The following USP43 variants were observed in gnomAD, a reference collection of about 807,000 sequenced individuals.
USP43 encodes ubiquitin carboxyl-terminal hydrolase 43.
USP43 carries 33 observed loss-of-function variants against 90.7 expected under a neutral mutation model. That is an observed-to-expected ratio of 0.36 (90% CI 0.28 to 0.49). USP43 has a LOEUF of 0.49. Among genes scored for constraint, USP43 ranks in the 20% least tolerant of loss-of-function variants. The pLI, the probability that USP43 is intolerant of heterozygous loss-of-function variation, is 0.98. For missense variants in USP43, 1,274 were observed against 1,476.4 expected, an observed-to-expected ratio of 0.86 and a Z score of 2.25; for synonymous variants, 598 against 615.8, an observed-to-expected ratio of 0.97 and a Z score of 0.43.
chr17:9,707,279 G>A lies in USP43; in HGVS notation c.2012-2677G>A, dbSNP rs955093957. On this transcript the variant is annotated intron_variant, in intron 12 of 14. Transcript: ENST00000285199. Reference sequence around the variant, plus strand: ...AGATTAAGACTAAACAGAATTTCATGAGTCGATAATTAAATTTACTACATG... The same window carrying A: ...AGATTAAGACTAAACAGAATTTCATAAGTCGATAATTAAATTTACTACATG... Among the ~76,000 whole-genome samples the A allele has an allele frequency of 2.0e-5, 3 of 152,258 alleles. No homozygotes were observed. The South Asian group carries it at 6.2e-4, about 32-fold the overall frequency.
At position 9,727,966 on chromosome 17, in the gene USP43, C is replaced by T. The variant is rs372996739; in HGVS notation, c.2348C>T (p.Pro783Leu). 401 of 1,602,898 alleles carry T rather than the reference C, an allele frequency of 2.5e-4. 6 individuals carry two copies. The South Asian group carries it at 4.3e-3, about 17-fold the overall frequency. ...LCNQEKGGLE[P>L]RRLVRGVKGR... ...CTGTCTCTTTCAGGAGGGTTGGAGC[C>T]CAGGCGTTTGGTACGGGGCGTGAAA... Residue 783 changes from proline (P) to leucine (L), a missense_variant, in exon 15 of 15, where the codon CCC becomes CTC. Physicochemically the swap from Pro to Leu is moderately conservative, Grantham distance 98. Coordinates refer to ENST00000285199, the MANE Select transcript of USP43 (RefSeq NM_153210.5).
rs544038589 is a variant in USP43 at position 9,686,220 on chromosome 17, G to A, written c.1242-578G>A. Among the ~76,000 whole-genome samples, 5 of 152,110 alleles carry A rather than the reference G, an allele frequency of 3.3e-5. No individual in the cohort carries two copies. The highest frequency in any genetic ancestry group is 2.1e-4 in the South Asian group (1 of 4,818). On this transcript the variant is annotated intron_variant, in intron 7 of 14. Coordinates refer to ENST00000285199, the MANE Select transcript of USP43 (RefSeq NM_153210.5). This position sits in a 1 kb window ranked among gnomAD's most constrained non-coding sequence, Gnocchi z 5.5. ...TTCATTTCTTTTCCATTCATCCACC[G>A]ATGTACACTTAGGTTGATTTGGAAT...
Position 9,701,558 on chromosome 17 carries a change from C to T in USP43, c.1869C>T (p.Ser623=), listed in dbSNP as rs537005784. Reference sequence around the variant, plus strand: ...TGGCTCCCCATGTGGCCCAGAGAAGCACCAGCCCTGAGGCAGGACTGGGCC... The same window carrying T: ...TGGCTCCCCATGTGGCCCAGAGAAGTACCAGCCCTGAGGCAGGACTGGGCC... ...LNMAPHVAQR[S]TSPEAGLGPW... Residue 623 remains serine, a synonymous_variant, in exon 12 of 15, where the codon AGC becomes AGT. Coordinates refer to ENST00000285199, the MANE Select transcript of USP43 (RefSeq NM_153210.5). The surrounding 1 kb of genome is among the most constrained non-coding windows in gnomAD (Gnocchi z 7.2). 47 of 1,566,442 alleles carry T rather than the reference C, an allele frequency of 3.0e-5. No individual in the cohort carries two copies. The African/African-American group carries it at 4.1e-4, about 14-fold the overall frequency.
intron 13 of USP43, among the ~76,000 whole-genome samples, chr17:9,711,720 C>A (rs1490483225): frequency 6.6e-6 from 1 of 152,192 alleles, no homozygotes; most frequent in Admixed American, 6.5e-5. Context: ...CGTGAGCCAC[C>A]GCGCCCAGCC....
chr17:9,679,359 G>A (rs1393318288), intron 5 of USP43, among the ~76,000 whole-genome samples: 1 of 150,426 alleles, frequency 6.6e-6, no homozygotes, highest in African/African-American at 2.4e-5. Flanking sequence ...ATGCCACCAT[G>A]CCTGGCTAAT....
chr17:9,699,456 T>C (rs1206609649), intron 9 of USP43, among the ~76,000 whole-genome samples: 1 of 152,202 alleles, frequency 6.6e-6, no homozygotes, highest in Non-Finnish European at 1.5e-5. Flanking sequence ...TTTTATCAGA[T>C]CATCTTAGTG....
At chr17:9,684,287 T>C (rs1190578559) in intron 7 of USP43, among the ~76,000 whole-genome samples, 3 of 152,130 alleles carry the variant, frequency 2.0e-5, no homozygotes, top group Admixed American at 1.3e-4. Flanking sequence ...AAATTTAAAC[T>C]AAAAGCAAAT....
chr17:9,649,100 C>T (rs1911674495), intron 1 of USP43, among the ~76,000 whole-genome samples: 1 of 151,978 alleles, frequency 6.6e-6, no homozygotes, highest in Non-Finnish European at 1.5e-5. Flanking sequence ...AAGCGATCCT[C>T]CTACCTCAGC....
At chr17:9,672,636 T>TGGCAGA (rs1855352414) in intron 3 of USP43, among the ~76,000 whole-genome samples, 1 of 152,132 alleles carries the variant, frequency 6.6e-6, no homozygotes, top group Non-Finnish European at 1.5e-5. Flanking sequence ...AGAGACGCAG[T>TGGCAGA]GGCAGAGGAG....
In USP43 at chr17:9,666,740, A is replaced by G. The variant is rs777919490; in HGVS notation, c.729A>G (p.Gln243=). The change falls in exon 3 of 15, where the codon CAA becomes CAG. Residue 243 remains glutamine (Q), a synonymous_variant. Coordinates refer to ENST00000285199, the MANE Select transcript of USP43 (RefSeq NM_153210.5). ...LGQSFVQSHF[Q]AQYRSSLTCP... is the part of the protein sequence containing the mutation. The stretch of plus-strand genomic sequence containing the variant: ...AAAGCTTTGTGCAAAGCCACTTTCA[A>G]GCACAATATAGGTAAGATGGGGATG... 1 of 1,611,672 alleles carries G rather than the reference A, an allele frequency of 6.2e-7. No individual in the cohort carries two copies. The highest frequency in any genetic ancestry group is 1.7e-5 in the Admixed American group (1 of 59,736).
chr17:9,681,489 T>TTTG, intron 6 of USP43, among the ~76,000 whole-genome samples: 2 of 50,268 alleles, frequency 4.0e-5, no homozygotes, highest in African/African-American at 1.4e-4. Context: ...TATATATATA[T>TTTG]ATATATATAT....
intron 2 of USP43, among the ~76,000 whole-genome samples, chr17:9,661,867 C>T (rs554068846): frequency 6.6e-5 from 10 of 151,978 alleles, no homozygotes; most frequent in East Asian, 1.9e-4. Flanking sequence ...TGTTCAGTGT[C>T]ATTGAACCCA....
chr17:9,682,835 G>A lies in USP43; in HGVS notation c.1118G>A (p.Gly373Asp). ...SQGTLSAHPL[G>D]LSASPRLAAR... ...CTCTCCCTTCTAGCTCATCCACTGG[G>A]TCTGTCGGCCTCCCCACGCCTGGCA... Residue 373 changes from glycine (G) to aspartate (D), a missense_variant, in exon 7 of 15, where the codon GGT becomes GAT. Around this residue, in one of 6 missense-constraint regions of USP43, gnomAD observed 253 missense variants for 276.0 expected, o/e 0.92. Coordinates refer to ENST00000285199, the MANE Select transcript of USP43 (RefSeq NM_153210.5). 6.2e-7 allele frequency: 1 copy of A among 1,613,940 alleles called. No individual in the cohort carries two copies. The highest frequency in any genetic ancestry group is 1.1e-5 in the South Asian group (1 of 91,078).
intron 2 of USP43, among the ~76,000 whole-genome samples, chr17:9,658,655 T>C (rs1912429449): frequency 6.6e-6 from 1 of 152,228 alleles, no homozygotes; most frequent in Admixed American, 6.5e-5. Flanking sequence ...TTACTTACCA[T>C]GATTTCCTGT....
Position 9,651,012 on chromosome 17 carries a change from C to T in USP43, c.504+4876C>T, listed in dbSNP as rs565942076. 2.0e-4 allele frequency among the ~76,000 whole-genome samples: 31 copies of T among 152,154 alleles called. No individual in the cohort carries two copies. The South Asian group carries it at 2.1e-3, about 10-fold the overall frequency. On this transcript the variant is annotated intron_variant, in intron 1 of 14. Transcript: ENST00000285199. ...CCCTTCCCCTCGAGTCACCAAAGTTCATTATATTGCTCTTGTGCCTTTGCA... is the reference window on the plus strand; with the variant it reads ...CCCTTCCCCTCGAGTCACCAAAGTTTATTATATTGCTCTTGTGCCTTTGCA...
At chr17:9,690,271 G>A (rs575912457) in intron 8 of USP43, among the ~76,000 whole-genome samples, 2 of 152,072 alleles carry the variant, frequency 1.3e-5, no homozygotes, top group Admixed American at 6.5e-5. Context: ...TTTCCTCCAT[G>A]GTTTTTAAGA....
chr17:9,698,989 A>G (rs1227524936), intron 9 of USP43, among the ~76,000 whole-genome samples: 1 of 152,200 alleles, frequency 6.6e-6, no homozygotes, highest in Non-Finnish European at 1.5e-5. Context: ...GACCTAAAGA[A>G]AGAAGCTTAG....
intron 14 of USP43, among the ~76,000 whole-genome samples, chr17:9,719,207 CAA>C (rs1367634479): frequency 6.6e-6 from 1 of 152,198 alleles, no homozygotes; most frequent in Non-Finnish European, 1.5e-5. Context: ...ATGATAAGCT[CAA>C]AAGTTCATCC....
At chr17:9,721,163 G>C (rs534480968) in intron 14 of USP43, among the ~76,000 whole-genome samples, 2 of 152,282 alleles carry the variant, frequency 1.3e-5, no homozygotes, top group African/African-American at 4.8e-5. Flanking sequence ...AAATGGCTAG[G>C]AGTCCTTCCC....
Sources: gnomAD v4.1 joint callset for allele counts (sites outside exome capture counted in the v4.1 genomes callset) on GRCh38, gnomAD v4.1.1 for gene constraint, gnomAD v4.1.1 regional missense constraint, Gnocchi (gnomAD v3.1) non-coding constraint, MANE v1.5 for transcripts, NCBI Gene and HGNC (gene_info 2026-07-23, HGNC 2026-07-21) for gene names.